Variants in RBP5 observed in about 807,000 individuals in gnomAD.
RBP5 encodes retinol-binding protein 5.
RBP5 carries 12 observed loss-of-function variants against 17.8 expected under a neutral mutation model. The observed-to-expected ratio is 0.67, with a 90% CI of 0.43 to 1.09. The LOEUF (loss-of-function observed/expected upper bound fraction) is 1.09. Ranked by LOEUF, RBP5 falls within the 50% of genes least tolerant of loss-of-function variation. RBP5 has a pLI of 0.00. For synonymous variants in RBP5, 64 were observed against 68.1 expected, an observed-to-expected ratio of 0.94 and a Z score of 0.30; for missense variants, 172 against 169.4, an observed-to-expected ratio of 1.02 and a Z score of -0.09.
In RBP5 at chr12:7,124,323, T is replaced by G. The variant is rs747326542; in HGVS notation, c.355-149A>C. 14 of 723,274 alleles carry G rather than the reference T, an allele frequency of 1.9e-5. No individual in the cohort carries two copies. Among genetic ancestry groups the G allele is most frequent in the South Asian group, 1.9e-4 (11 of 59,112 alleles). The allele number at this position is 723,274 out of a possible 1,614,324, so 44.8% of individuals were successfully genotyped here. A position where few individuals can be genotyped will look rare whatever the true frequency, so the allele number is the denominator to read the frequency against. ...TGGGCAATTGTATCATTATTCCACA[T>G]CCTCAACTTTCCACCCCTCAGGAAG... On this transcript the variant is annotated intron_variant, in intron 3 of 3. Coordinates refer to ENST00000266560, the MANE Select transcript of RBP5 (RefSeq NM_031491.4). This position sits in a 1 kb window ranked among gnomAD's most constrained non-coding sequence, Gnocchi z 5.3.
downstream of RBP5, among the ~76,000 whole-genome samples, chr12:7,121,189 C>T (rs1192458231): frequency 6.6e-6 from 1 of 152,052 alleles, no homozygotes; most frequent in African/African-American, 2.4e-5. Context: ...CGTCCGCATG[C>T]TGGGGATACC....
At chr12:7,126,988 ATTTTT>A (rs35155124) in intron 2 of RBP5, among the ~76,000 whole-genome samples, 2 of 86,526 alleles carry the variant, frequency 2.3e-5, no homozygotes, top group African/African-American at 4.6e-5. Flanking sequence ...GTACTTTTGT[ATTTTT>A]TTTTTTTTTT....
In RBP5 at chr12:7,127,413, A is replaced by G. The variant is rs1230990590; in HGVS notation, c.252+827T>C. On this transcript the variant is annotated intron_variant, in intron 2 of 3. Transcript: ENST00000266560. ...CCAAAGTCTTGGGATTATGGGTGTG[A>G]GCCACCACGCCCAGCCTTTTCCCAT... 8 of 414,650 alleles carry G rather than the reference A, an allele frequency of 1.9e-5. No homozygotes were observed. In the Admixed American group the frequency reaches 3.0e-4, roughly 15 times the overall value. The allele number at this position is 414,650 out of a possible 1,614,324, so 25.7% of individuals were successfully genotyped here. A position where few individuals can be genotyped will look rare whatever the true frequency, so the allele number is the denominator to read the frequency against.
In RBP5 at chr12:7,124,728, G is replaced by C; in HGVS notation, c.255C>G (p.Thr85=). ...LRSVDGRKCQ[T]IVTWEEEHLV... is the part of the protein sequence containing the mutation. ...GGTGCTCCTCCTCCCAGGTTACTAT[G>C]GTCTATAGGGGAAAGAGGGAGTAAA... Residue 85 remains threonine, a splice_region_variant and synonymous_variant, in exon 3 of 4, where the codon ACC becomes ACG. Coordinates refer to ENST00000266560, the MANE Select transcript of RBP5 (RefSeq NM_031491.4). This position sits in a 1 kb window ranked among gnomAD's most constrained non-coding sequence, Gnocchi z 5.3. The C allele has an allele frequency of 6.3e-7, 1 of 1,583,252 alleles. No homozygotes were observed. Among genetic ancestry groups the C allele is most frequent in the South Asian group, 1.1e-5 (1 of 90,408 alleles).
At chr12:7,126,651 A>ATTT (rs1939170581) in intron 2 of RBP5, among the ~76,000 whole-genome samples, 2 of 151,962 alleles carry the variant, frequency 1.3e-5, no homozygotes, top group Non-Finnish European at 2.9e-5. Context: ...GAGAGAGTAG[A>ATTT]TATAAAAGTG....
At chr12:7,123,507 C>A (rs920509671), downstream of RBP5, among the ~76,000 whole-genome samples, 3 of 152,198 alleles carry the variant, frequency 2.0e-5, no homozygotes, top group African/African-American at 7.2e-5. Flanking sequence ...GGTCTTACCC[C>A]ATTCCATCCC....
intron 2 of RBP5, among the ~76,000 whole-genome samples, chr12:7,125,620 G>A (rs1204597124): frequency 6.6e-6 from 1 of 152,202 alleles, no homozygotes; most frequent in Non-Finnish European, 1.5e-5. Flanking sequence ...TGGCAGTGGG[G>A]CGGGCAGAGT....
chr12:7,128,728 GTTC>G lies in RBP5; in HGVS notation c.45_47del (p.Lys15del), dbSNP rs764338259. On this transcript the variant is annotated inframe_deletion, in exon 1 of 4. Transcript: ENST00000266560. This position sits in a 1 kb window ranked among gnomAD's most constrained non-coding sequence, Gnocchi z 5.3. The stretch of plus-strand genomic sequence containing the variant: ...TTAGGGCTTGCAGGTAGTCCTCCAT[GTTC>G]TTCTGCGAGACAAAGCGGTAGTAGC... 3.8e-4 allele frequency: 609 copies of G among 1,604,550 alleles called. 7 individuals carry two copies. The South Asian group carries it at 6.5e-3, about 17-fold the overall frequency.
chr12:7,123,919 T>C lies in RBP5; in HGVS notation c.*202A>G. The C allele has an allele frequency of 1.7e-6, 1 of 584,088 alleles. No homozygotes were observed. The highest frequency in any genetic ancestry group is 4.6e-4 in the Middle Eastern group (1 of 2,190). The allele number at this position is 584,088 out of a possible 1,614,324, so 36.2% of individuals were successfully genotyped here. ...CTTGACCTGGAAGTGAGGTCACTAT[T>C]GGGCAGTGGAGTGTGAGAAAGGACT... is the stretch of plus-strand genomic sequence containing the variant. On this transcript the variant is annotated 3_prime_UTR_variant, in exon 4 of 4. Transcript: ENST00000266560.
intron 2 of RBP5, among the ~76,000 whole-genome samples, chr12:7,125,409 A>T (rs143464625): frequency 8.5e-5 from 13 of 152,328 alleles, no homozygotes; most frequent in Non-Finnish European, 1.8e-4. Flanking sequence ...CCTACCAGGT[A>T]ATCTCATTTC....
chr12:7,128,618 A>C lies in RBP5; in HGVS notation c.73+85T>G. On this transcript the variant is annotated intron_variant, in intron 1 of 3. Transcript: ENST00000266560. This position sits in a 1 kb window ranked among gnomAD's most constrained non-coding sequence, Gnocchi z 5.3. ...CTTTCCACAGTGTCCAACCCCGGGC[A>C]TTCCCTCTTCTCCATGGGACCAAGA... 1.5e-6 allele frequency: 2 copies of C among 1,345,128 alleles called. No individual in the cohort carries two copies. Among genetic ancestry groups the C allele is most frequent in the Non-Finnish European group, 2.1e-6 (2 of 959,596 alleles). The allele number at this position is 1,345,128 out of a possible 1,614,324, so 83.3% of individuals were successfully genotyped here.
At chr12:7,123,524 C>G (rs1939109771), downstream of RBP5, among the ~76,000 whole-genome samples, 1 of 152,188 alleles carries the variant, frequency 6.6e-6, no homozygotes, top group African/African-American at 2.4e-5. Flanking sequence ...TCCCTCATTC[C>G]CAACACATAG....
chr12:7,126,536 T>TAC (rs1445650776), intron 2 of RBP5, among the ~76,000 whole-genome samples: 1 of 149,330 alleles, frequency 6.7e-6, no homozygotes, highest in Non-Finnish European at 1.5e-5. Context: ...TGTGTGTGTG[T>TAC]GTGTGTGTGT....
downstream of RBP5, among the ~76,000 whole-genome samples, chr12:7,122,674 T>C (rs1282206315): frequency 1.3e-5 from 2 of 152,084 alleles, no homozygotes; most frequent in African/African-American, 4.8e-5. Context: ...TGTGTTGATC[T>C]GGAGATGTGG....
rs1939020133 is a variant in RBP5 at position 7,117,494 on chromosome 12, G to A, written n.890-187C>T. 1 of 152,186 alleles carries A rather than the reference G, an allele frequency of 6.6e-6. No homozygotes were observed. The highest frequency in any genetic ancestry group is 2.1e-4 in the South Asian group (1 of 4,836). 9.4% of individuals were successfully genotyped at this position (152,186 alleles called of 1,614,324 possible). A position where few individuals can be genotyped will look rare whatever the true frequency, so the allele number is the denominator to read the frequency against. ...TTTCAGGTGCATTTACCCAAATCCA[G>A]AGTACCTTTGGGGGCTCTGACCCTC... On this transcript the variant is annotated intron_variant and non_coding_transcript_variant, in intron 3 of 3. Transcript: ENST00000619522. The surrounding 1 kb of genome is among the most constrained non-coding windows in gnomAD (Gnocchi z 4.9).
chr12:7,119,046 T>A (rs1384768424), downstream of RBP5: 1 of 152,446 alleles, frequency 6.6e-6, no homozygotes. Flanking sequence ...CTGGTTCCTG[T>A]ATTCAGCTGT....
At chr12:7,116,505 C>T (rs1254743474) in exon 4 of RBP5, 1 of 152,234 alleles carries the variant, frequency 6.6e-6, no homozygotes, top group Admixed American at 6.5e-5. Context: ...TTTGAAGCCA[C>T]AGAGTAAGGT....
At chr12:7,127,691 G>T (rs1369077904) in intron 2 of RBP5, 2 of 702,390 alleles carry the variant, frequency 2.8e-6, no homozygotes, top group Admixed American at 4.0e-5. Flanking sequence ...GCTCTGGCTG[G>T]AGAATTCATG....
chr12:7,124,566 G>T lies in RBP5; in HGVS notation c.354+63C>A. 1 of 919,116 alleles carries T rather than the reference G, an allele frequency of 1.1e-6. No homozygotes were observed. Among genetic ancestry groups the T allele is most frequent in the Non-Finnish European group, 1.8e-6 (1 of 558,698 alleles). 56.9% of individuals were successfully genotyped at this position (919,116 alleles called of 1,614,324 possible). ...AAGAGTGGTGGACCTATCTGGTTTG[G>T]ACAAGGGGATGCCTTATAGCTGGAG... On this transcript the variant is annotated intron_variant, in intron 3 of 3. Transcript: ENST00000266560. This position sits in a 1 kb window ranked among gnomAD's most constrained non-coding sequence, Gnocchi z 5.3.
Sources: allele counts gnomAD v4.1 joint callset (sites outside exome capture counted in the v4.1 genomes callset), GRCh38; gene constraint gnomAD v4.1.1; non-coding constraint Gnocchi (gnomAD v3.1); transcripts MANE v1.5; gene names NCBI Gene and HGNC (gene_info 2026-07-23, HGNC 2026-07-21).